CD247: variants seen among roughly 807,000 people sequenced by gnomAD.
CD247 encodes T-cell surface glycoprotein CD3 zeta chain.
Under a neutral mutation model 30.0 loss-of-function variants are expected in CD247, and 13 were observed. The observed-to-expected ratio is 0.43, with a 90% CI of 0.28 to 0.69. The LOEUF (loss-of-function observed/expected upper bound fraction) is 0.69, where lower values mean the gene tolerates loss of function less well. Ranked by LOEUF, CD247 falls within the 30% of genes least tolerant of loss-of-function variation. CD247 has a pLI of 0.16. For missense variants in CD247, 193 were observed against 212.6 expected (o/e 0.91, Z 0.57); for synonymous variants, 72 against 80.0 (o/e 0.90, Z 0.53).
chr1:167,492,910 G>A (rs1654514984), intron 1 of CD247, among the ~76,000 whole-genome samples: 1 of 152,116 alleles, frequency 6.6e-6, no homozygotes, highest in South Asian at 2.1e-4. Context: ...GCAGGAAAGG[G>A]GCTGAGTATT....
At chr1:167,432,610 C>A (rs1571504237) in intron 7 of CD247, among the ~76,000 whole-genome samples, 1 of 152,330 alleles carries the variant, frequency 6.6e-6, no homozygotes, top group South Asian at 2.1e-4. Flanking sequence ...TTTTTCTTAG[C>A]TTTTTTTCCT....
intron 1 of CD247, among the ~76,000 whole-genome samples, chr1:167,492,575 C>T (rs77622794): frequency 0.029 from 4,359 of 152,316 alleles, 75 homozygotes; most frequent in South Asian, 0.072. Flanking sequence ...GGGGAATTTT[C>T]CTTTCTGGTC....
intron 1 of CD247, among the ~76,000 whole-genome samples, chr1:167,473,077 GTCT>G (rs1246542456): frequency 1.4e-5 from 2 of 146,404 alleles, no homozygotes; most frequent in Non-Finnish European, 3.0e-5. Context: ...CTCCTTAGGC[GTCT>G]TCTTCAAGTT....
chr1:167,501,414 G>C (rs756516022), intron 1 of CD247, among the ~76,000 whole-genome samples: 15 of 152,176 alleles, frequency 9.9e-5, no homozygotes, highest in Admixed American at 9.8e-4. Context: ...AATGACAAAA[G>C]AAAGTCAAGG....
chr1:167,490,771 C>T lies in CD247; in HGVS notation c.58+27637G>A, dbSNP rs561539949. ...CTCTACTAAAAATACAAAAATTAGC[C>T]TGGTGGGGTGGTGGGTGCCTATAAT... On this transcript the variant is annotated intron_variant, in intron 1 of 7. Transcript: ENST00000362089. 6.6e-5 allele frequency among the ~76,000 whole-genome samples: 10 copies of T among 152,012 alleles called. No homozygotes were observed. In the South Asian group the frequency reaches 2.1e-3, roughly 32 times the overall value.
chr1:167,510,376 A>G (rs1655336332), intron 1 of CD247, among the ~76,000 whole-genome samples: 1 of 152,204 alleles, frequency 6.6e-6, no homozygotes, highest in African/African-American at 2.4e-5. Context: ...AGACACCTGC[A>G]ACCACCAGAG....
rs2101983541 is a variant in CD247 at position 167,431,723 on chromosome 1, G to A, written c.453C>T (p.Asp151=). The part of the protein sequence containing the change: ...LYQGLSTATK[D]TYDALHMQAL... Reference sequence around the variant, plus strand: ...CCTGCATGTGAAGGGCGTCGTAGGTGTCCTTGGTGGCTGTACTGAGACCCT... The same window carrying A: ...CCTGCATGTGAAGGGCGTCGTAGGTATCCTTGGTGGCTGTACTGAGACCCT... Residue 151 remains aspartate (D), a synonymous_variant, in exon 8 of 8, where the codon GAC becomes GAT. Transcript: ENST00000362089. 1 of 1,614,152 alleles carries A rather than the reference G, an allele frequency of 6.2e-7. No homozygotes were observed. Among genetic ancestry groups the A allele is most frequent in the Non-Finnish European group, 8.5e-7 (1 of 1,180,010 alleles).
At chr1:167,465,280 G>C (rs1391534798) in intron 1 of CD247, among the ~76,000 whole-genome samples, 1 of 150,086 alleles carries the variant, frequency 6.7e-6, no homozygotes, top group Non-Finnish European at 1.5e-5. Flanking sequence ...CAGTGAGATA[G>C]AAAGTCACTC....
At chr1:167,453,562 T>C (rs1652472988) in intron 1 of CD247, among the ~76,000 whole-genome samples, 1 of 152,208 alleles carries the variant, frequency 6.6e-6, no homozygotes, top group Non-Finnish European at 1.5e-5. Flanking sequence ...AATGTAAATG[T>C]CCATCAACTA....
chr1:167,431,796 G>T, intron 7 of CD247, 50 bp from the exon 8 acceptor site: 1 of 1,538,902 alleles, frequency 6.5e-7, no homozygotes, highest in Middle Eastern at 1.7e-4. Context: ...TAGCCTGTGT[G>T]GGCAGGAGCC....
In CD247 at chr1:167,439,265, ACT is replaced by A. The variant is rs564300958; in HGVS notation, c.219+77_219+78del. Reference sequence around the variant, plus strand: ...GCTAGGGACCAAACCTAAACCCAAGACTCTGGCGGGCGCGTTCCCTAGGTCCG... The same window carrying A: ...GCTAGGGACCAAACCTAAACCCAAGACTGGCGGGCGCGTTCCCTAGGTCCG... On this transcript the variant is annotated intron_variant, in intron 3 of 7. Transcript: ENST00000362089. The A allele has an allele frequency of 1.9e-4, 249 of 1,331,902 alleles. 1 individual carries two copies. In the East Asian group the frequency reaches 5.7e-3, roughly 30 times the overall value. 82.5% of individuals were successfully genotyped at this position (1,331,902 alleles called of 1,614,324 possible). A position where few individuals can be genotyped will look rare whatever the true frequency, so the allele number is the denominator to read the frequency against.
rs565904395 is a variant in CD247, at chr1:167,432,858, G to A, written c.429+166C>T. ...GGCCAAGTCCCAGCTGTGCTCCAGG[G>A]ACTTATTGGCAGTGGCGTTGCCACT... On this transcript the variant is annotated intron_variant, in intron 7 of 7. Coordinates refer to ENST00000362089, the MANE Select transcript of CD247 (RefSeq NM_198053.3). Among the ~76,000 whole-genome samples the A allele has an allele frequency of 2.0e-5, 3 of 152,352 alleles. No individual in the cohort carries two copies. In the East Asian group the frequency reaches 5.8e-4, roughly 29 times the overall value.
chr1:167,480,484 C>G (rs955491204), intron 1 of CD247, among the ~76,000 whole-genome samples: 8 of 152,134 alleles, frequency 5.3e-5, no homozygotes, highest in African/African-American at 1.9e-4. Context: ...GCTCAACCAG[C>G]CTAGGAGCCT....
intron 1 of CD247, among the ~76,000 whole-genome samples, 193 bp downstream of exon 1, chr1:167,518,215 C>A (rs943370959): frequency 2.6e-5 from 4 of 152,110 alleles, no homozygotes; most frequent in African/African-American, 9.7e-5. Flanking sequence ...TGAACTGATG[C>A]CCAACTCGGC....
intron 1 of CD247, among the ~76,000 whole-genome samples, chr1:167,506,031 T>C (rs993677990): frequency 6.6e-6 from 1 of 152,222 alleles, no homozygotes; most frequent in African/African-American, 2.4e-5. Context: ...TGCCATTTGC[T>C]TATGACATGG....
chr1:167,492,822 G>A (rs1002502567), intron 1 of CD247, among the ~76,000 whole-genome samples: 1 of 152,148 alleles, frequency 6.6e-6, no homozygotes, highest in Admixed American at 6.5e-5. Context: ...TCAGCCTGGA[G>A]GAACATGCCC....
intron 7 of CD247, 115 bp downstream of exon 7, chr1:167,432,909 C>A: frequency 8.6e-7 from 1 of 1,157,180 alleles, no homozygotes; most frequent in Non-Finnish European, 1.3e-6. Context: ...CTTGGGCTTG[C>A]CCTGCCCAGC....
chr1:167,491,199 C>A (rs567240422), intron 1 of CD247, among the ~76,000 whole-genome samples: 1 of 152,068 alleles, frequency 6.6e-6, no homozygotes, highest in Non-Finnish European at 1.5e-5. Context: ...AGAAGGAATG[C>A]CGTGCACTGT....
At chr1:167,434,296 C>A in intron 5 of CD247, 1 of 603,606 alleles carries the variant, frequency 1.7e-6, no homozygotes. Context: ...CTCCTCCGAG[C>A]TGCCAGCTCT....
Sources: allele counts gnomAD v4.1 joint callset (sites outside exome capture counted in the v4.1 genomes callset), GRCh38; gene constraint gnomAD v4.1.1; transcripts MANE v1.5; gene names NCBI Gene and HGNC (gene_info 2026-07-23, HGNC 2026-07-21).